The following TRAPPC9 variants were observed in gnomAD, a reference collection of about 807,000 sequenced individuals.
TRAPPC9 encodes the protein IKK2 binding protein.
A neutral mutation model predicts 124.0 loss-of-function variants in TRAPPC9; 83 were observed. The ratio of observed to expected loss-of-function variants is 0.67; its 90% CI spans 0.56 to 0.80. The LOEUF is 0.80. Among genes scored for constraint, TRAPPC9 ranks in the 30% least tolerant of loss-of-function variants. TRAPPC9 has a pLI of 0.00. For missense variants in TRAPPC9, 1,302 were observed against 1,508.3 expected (o/e 0.86, Z 2.27); for synonymous variants, 638 against 617.5 (o/e 1.03, Z -0.49).
intron 18 of TRAPPC9, among the ~76,000 whole-genome samples, chr8:139,994,834 GT>G (rs1837864554): frequency 6.6e-6 from 1 of 152,096 alleles, no homozygotes; most frequent in South Asian, 2.1e-4. Flanking sequence ...GTAAGGCACA[GT>G]GTGATCAAGG....
intron 21 of TRAPPC9, among the ~76,000 whole-genome samples, chr8:139,874,321 A>G (rs1314380016): frequency 6.6e-6 from 1 of 152,198 alleles, no homozygotes; most frequent in Non-Finnish European, 1.5e-5. Context: ...GGCCTCATTC[A>G]CTCTTTGATG....
intron 17 of TRAPPC9, among the ~76,000 whole-genome samples, chr8:140,188,075 G>T (rs1012570282): frequency 6.6e-6 from 1 of 152,154 alleles, no homozygotes; most frequent in Non-Finnish European, 1.5e-5. Flanking sequence ...TCCAGGAGCA[G>T]CCAAGAAAAT....
At chr8:139,842,470 C>G (rs1333160677) in intron 21 of TRAPPC9, among the ~76,000 whole-genome samples, 1 of 152,252 alleles carries the variant, frequency 6.6e-6, no homozygotes, top group Non-Finnish European at 1.5e-5. Context: ...AAAGCAGATA[C>G]TGGCTTCGAT....
chr8:139,964,831 A>G (rs1274050512), intron 19 of TRAPPC9, among the ~76,000 whole-genome samples: 1 of 152,210 alleles, frequency 6.6e-6, no homozygotes, highest in African/African-American at 2.4e-5. Flanking sequence ...TATTCCCACC[A>G]AGGACCTTAG....
intron 21 of TRAPPC9, among the ~76,000 whole-genome samples, chr8:139,823,215 G>A (rs561498458): frequency 4.3e-4 from 66 of 152,258 alleles, no homozygotes; most frequent in Non-Finnish European, 7.2e-4. Context: ...CCCCAGAGGC[G>A]CGAGGTGGGA....
chr8:140,137,537 A>T (rs11995202), intron 17 of TRAPPC9, among the ~76,000 whole-genome samples: 73,553 of 151,954 alleles, frequency 0.48, 17,963 homozygotes, highest in African/African-American at 0.53. Flanking sequence ...GGGCGGCCTC[A>T]CCCCACGCTG....
At chr8:140,237,949 T>C (rs2063763389) in intron 16 of TRAPPC9, among the ~76,000 whole-genome samples, 1 of 152,158 alleles carries the variant, frequency 6.6e-6, no homozygotes, top group African/African-American at 2.4e-5. Flanking sequence ...TGAAAATACT[T>C]AGAAAACCAA....
At position 139,731,192 on chromosome 8, in the gene TRAPPC9, G is replaced by A. The variant is rs1817794961; in HGVS notation, c.3316C>T (p.Leu1106Phe). The A allele has an allele frequency of 1.2e-6, 2 of 1,613,580 alleles. No individual in the cohort carries two copies. Among genetic ancestry groups the A allele is most frequent in the African/African-American group, 1.3e-5 (1 of 74,904 alleles). The change falls in exon 23 of 23, where the codon CTC becomes TTC. Residue 1106 changes from leucine to phenylalanine, a missense_variant. Leu to Phe is a conservative substitution (Grantham distance 22, BLOSUM62 0). Around this residue, in one of 3 missense-constraint regions of TRAPPC9, gnomAD observed 640 missense variants for 679.3 expected, o/e 0.94. Coordinates refer to ENST00000438773, the MANE Select transcript of TRAPPC9 (RefSeq NM_001160372.4). ...PSGQSACLGA[L>F]LFLYTGDFFL... ...AAGTCTCCCGTGTAGAGGAAGAGGA[G>A]GGCCCCGAGGCAGGCCGACTGGCCG...
At chr8:140,362,167 A>C (rs1298021518) in intron 8 of TRAPPC9, among the ~76,000 whole-genome samples, 1 of 152,200 alleles carries the variant, frequency 6.6e-6, no homozygotes, top group East Asian at 1.9e-4. Flanking sequence ...CTTGGGAGGC[A>C]GGTTTATGTC....
intron 17 of TRAPPC9, among the ~76,000 whole-genome samples, chr8:140,148,427 C>G (rs919993129): frequency 3.9e-5 from 6 of 152,164 alleles, no homozygotes; most frequent in African/African-American, 1.4e-4. Flanking sequence ...AAAGAAAATT[C>G]CCAGTGTCCT....
intron 17 of TRAPPC9, among the ~76,000 whole-genome samples, chr8:140,109,671 T>C (rs150100065): frequency 6.6e-6 from 1 of 152,330 alleles, no homozygotes; most frequent in African/African-American, 2.4e-5. Flanking sequence ...TAAGGGTCAA[T>C]GGTGCCTTCC....
At chr8:139,972,204 A>ACCTC (rs1186963350) in intron 19 of TRAPPC9, among the ~76,000 whole-genome samples, 3 of 152,070 alleles carry the variant, frequency 2.0e-5, no homozygotes, top group Non-Finnish European at 4.4e-5. Context: ...TGCCACCACC[A>ACCTC]AAGCTTCAGG....
intron 21 of TRAPPC9, among the ~76,000 whole-genome samples, chr8:139,770,867 C>A (rs767428746): frequency 2.6e-5 from 4 of 152,186 alleles, no homozygotes; most frequent in Non-Finnish European, 5.9e-5. Flanking sequence ...CCACCAGAGA[C>A]CTTGAACAAA....
At chr8:140,394,962 C>A (rs1275147986) in intron 7 of TRAPPC9, among the ~76,000 whole-genome samples, 1 of 152,148 alleles carries the variant, frequency 6.6e-6, no homozygotes, top group Non-Finnish European at 1.5e-5. Flanking sequence ...GTAGGTCCCC[C>A]AAAAAGCATG....
intron 21 of TRAPPC9, among the ~76,000 whole-genome samples, chr8:139,827,131 C>T (rs977099990): frequency 1.3e-5 from 2 of 152,164 alleles, no homozygotes; most frequent in Admixed American, 1.3e-4. Flanking sequence ...GAAGGGAAGG[C>T]ACTTGCCCCA....
intron 16 of TRAPPC9, among the ~76,000 whole-genome samples, chr8:140,242,423 G>A (rs927107524): frequency 3.3e-5 from 5 of 152,148 alleles, no homozygotes; most frequent in African/African-American, 7.2e-5. Context: ...GAACTCCAGC[G>A]GTGAGAGAAC....
chr8:140,036,596 G>A (rs1840903761), intron 17 of TRAPPC9, among the ~76,000 whole-genome samples: 1 of 152,206 alleles, frequency 6.6e-6, no homozygotes, highest in Non-Finnish European at 1.5e-5. Context: ...TAGGACACAG[G>A]AAGTTTGAGA....
chr8:140,099,872 C>G (rs1022595967), intron 17 of TRAPPC9: 1 of 150,692 alleles, frequency 6.6e-6, no homozygotes, highest in Non-Finnish European at 1.5e-5. Context: ...GGTCTCTGCG[C>G]AGCTGCAGGA....
At chr8:140,160,539 A>G (rs1482104812) in intron 17 of TRAPPC9, among the ~76,000 whole-genome samples, 2 of 152,032 alleles carry the variant, frequency 1.3e-5, no homozygotes, top group Non-Finnish European at 2.9e-5. Context: ...GCAAACTATC[A>G]CAAGGAAAGA....
Sources: gnomAD v4.1 joint callset for allele counts (sites outside exome capture counted in the v4.1 genomes callset) on GRCh38, gnomAD v4.1.1 for gene constraint, gnomAD v4.1.1 regional missense constraint, MANE v1.5 for transcripts, NCBI Gene and HGNC (gene_info 2026-07-23, HGNC 2026-07-21) for gene names.